Variants in TMEM231 observed in about 807,000 individuals in gnomAD.
TMEM231 encodes transmembrane protein 231.
TMEM231 carries 40 observed loss-of-function variants against 38.5 expected under a neutral mutation model. The ratio of observed to expected loss-of-function variants is 1.04; its 90% CI spans 0.81 to 1.35. TMEM231 has a LOEUF of 1.35. TMEM231 is among the 40% of genes most tolerant of loss of function. TMEM231 has a pLI of 0.00. For synonymous variants in TMEM231, 199 were observed against 181.7 expected (o/e 1.10, Z -0.77); for missense variants, 420 against 416.9 (o/e 1.01, Z -0.07).
intron 4 of TMEM231, among the ~76,000 whole-genome samples, chr16:75,543,051 T>C (rs933574038): frequency 1.3e-5 from 2 of 152,188 alleles, no homozygotes; most frequent in Non-Finnish European, 2.9e-5. Context: ...TACCCCTCTT[T>C]ATCTCAGCGG....
At chr16:75,552,499 G>C (rs1047910893) in intron 2 of TMEM231, among the ~76,000 whole-genome samples, 1 of 152,090 alleles carries the variant, frequency 6.6e-6, no homozygotes, top group East Asian at 1.9e-4. Flanking sequence ...GAAACTAAAA[G>C]CCATTGGTCT....
At chr16:75,546,119 G>C in intron 2 of TMEM231, 165 bp from the exon 3 acceptor site, 1 of 1,536,300 alleles carries the variant, frequency 6.5e-7, no homozygotes, top group Non-Finnish European at 8.8e-7. Context: ...ATTAATACTG[G>C]GGAGAGACAC....
intron 2 of TMEM231, among the ~76,000 whole-genome samples, chr16:75,550,553 C>A (rs978423081): frequency 2.0e-5 from 3 of 152,134 alleles, no homozygotes; most frequent in Non-Finnish European, 2.9e-5. Context: ...AACCAGCACA[C>A]CACCTGACTG....
At chr16:75,550,101 G>C (rs1263603620) in intron 2 of TMEM231, among the ~76,000 whole-genome samples, 1 of 152,216 alleles carries the variant, frequency 6.6e-6, no homozygotes, top group African/African-American at 2.4e-5. Flanking sequence ...AGAGATAGTA[G>C]CTGCAGGGAA....
At chr16:75,542,707 G>C (rs747750357) in intron 4 of TMEM231, 24 bp from the exon 5 acceptor site, 4 of 1,609,292 alleles carry the variant, frequency 2.5e-6, no homozygotes, top group Non-Finnish European at 3.4e-6. Context: ...GGAGGATGTG[G>C]TGTGAGCACC....
intron 2 of TMEM231, chr16:75,555,524 A>G: frequency 2.5e-6 from 1 of 401,254 alleles, no homozygotes; most frequent in Non-Finnish European, 4.4e-6. Flanking sequence ...ACCCGGGCAG[A>G]CACAGGCTGC....
At chr16:75,555,602 G>A (rs2080800988) in intron 2 of TMEM231, 3 of 519,972 alleles carry the variant, frequency 5.8e-6, no homozygotes, top group Non-Finnish European at 6.5e-6. Context: ...TGGGGGCCGG[G>A]GACATCTGGG....
intron 1 of TMEM231, 45 bp from the exon 2 acceptor site, chr16:75,556,018 C>A: frequency 6.4e-7 from 1 of 1,574,360 alleles, no homozygotes; most frequent in South Asian, 1.2e-5. Flanking sequence ...GAGGCCGGCC[C>A]TGGCCGAGCG....
At position 75,552,199 on chromosome 16, in the gene TMEM231, G is replaced by A. The variant is rs1451893269; in HGVS notation, c.309+3605C>T. 2.6e-5 allele frequency among the ~76,000 whole-genome samples: 4 copies of A among 151,578 alleles called. No homozygotes were observed. In the East Asian group the frequency reaches 7.9e-4, roughly 30 times the overall value. Reference sequence around the variant, plus strand: ...CTGGGCATGGTGGCTCATGCCTATAGTCCCAGCACTTTGGGAGGCCGAGGC... The same window carrying A: ...CTGGGCATGGTGGCTCATGCCTATAATCCCAGCACTTTGGGAGGCCGAGGC... On this transcript the variant is annotated intron_variant, in intron 2 of 6. Transcript: ENST00000258173.
intron 4 of TMEM231, among the ~76,000 whole-genome samples, chr16:75,544,605 G>A (rs1261305327): frequency 6.6e-6 from 1 of 152,098 alleles, no homozygotes; most frequent in East Asian, 1.9e-4. Flanking sequence ...TGCACTCAGG[G>A]GTGGCATATG....
chr16:75,539,892 G>A lies in TMEM231; in HGVS notation c.*102C>T, dbSNP rs1245268946. The A allele has an allele frequency of 8.0e-6, 8 of 1,006,252 alleles. No individual in the cohort carries two copies. The Admixed American group carries it at 1.2e-4, about 15-fold the overall frequency. The allele number at this position is 1,006,252 out of a possible 1,614,324, so 62.3% of individuals were successfully genotyped here. A position where few individuals can be genotyped will look rare whatever the true frequency, so the allele number is the denominator to read the frequency against. On this transcript the variant is annotated 3_prime_UTR_variant, in exon 7 of 7. Coordinates refer to ENST00000258173, the MANE Select transcript of TMEM231 (RefSeq NM_001077418.3). ...TTGTCTCTGAGGGAAAAGCACACAA[G>A]CCCGCAGGTGTCCGCTGGGCTCTTT... is the stretch of plus-strand genomic sequence containing the variant.
In TMEM231 at chr16:75,556,126, C is replaced by CAGCAGGAACAGCGCGGCTTTGG; in HGVS notation, c.62_83dup (p.Leu29GlnfsTer84). 6.3e-7 allele frequency: 1 copy of CAGCAGGAACAGCGCGGCTTTGG among 1,577,050 alleles called. No individual in the cohort carries two copies. The highest frequency in any genetic ancestry group is 8.6e-7 in the Non-Finnish European group (1 of 1,163,380). ...GGATGTACGTGAGCGCAGCGGCCAG[C>CAGCAGGAACAGCGCGGCTTTGG]AGCAGGAACAGCGCGGCTTTGGAGC... On this transcript the variant is annotated frameshift_variant, in exon 1 of 7. Coordinates refer to ENST00000258173, the MANE Select transcript of TMEM231 (RefSeq NM_001077418.3). LOFTEE classifies it high-confidence loss of function.
chr16:75,548,696 C>G (rs1038165161), intron 2 of TMEM231, among the ~76,000 whole-genome samples: 5 of 152,126 alleles, frequency 3.3e-5, no homozygotes, highest in African/African-American at 1.2e-4. Context: ...TGGCGATACC[C>G]TGCCTCTATT....
chr16:75,556,030 G>C, intron 1 of TMEM231, 41 bp downstream of exon 1: 3 of 1,567,046 alleles, frequency 1.9e-6, no homozygotes, highest in Non-Finnish European at 2.6e-6. Flanking sequence ...GGCCGAGCGC[G>C]CCCGGGGAGC....
At chr16:75,542,506 T>A in intron 5 of TMEM231, 96 bp downstream of exon 5, 1 of 1,087,224 alleles carries the variant, frequency 9.2e-7, no homozygotes, top group Non-Finnish European at 1.4e-6. Flanking sequence ...GTTTTGACAT[T>A]TTCATCACAA....
At chr16:75,542,392 A>C (rs2080637071) in intron 5 of TMEM231, among the ~76,000 whole-genome samples, 1 of 151,846 alleles carries the variant, frequency 6.6e-6, no homozygotes, top group African/African-American at 2.4e-5. Context: ...AGCCTGCTGG[A>C]CCATGGGATG....
At chr16:75,543,828 C>T (rs570233881) in intron 4 of TMEM231, among the ~76,000 whole-genome samples, 2 of 152,186 alleles carry the variant, frequency 1.3e-5, no homozygotes, top group Non-Finnish European at 2.9e-5. Context: ...GTTGCAGCTT[C>T]CTATTCTTTA....
intron 2 of TMEM231, among the ~76,000 whole-genome samples, chr16:75,552,506 G>T (rs1204730491): frequency 6.6e-6 from 1 of 152,070 alleles, no homozygotes; most frequent in Non-Finnish European, 1.5e-5. Context: ...AAAGCCATTG[G>T]TCTGGGCCCT....
intron 2 of TMEM231, among the ~76,000 whole-genome samples, chr16:75,547,033 C>T (rs1327229642): frequency 6.6e-6 from 1 of 152,194 alleles, no homozygotes; most frequent in African/African-American, 2.4e-5. Context: ...GTATCCACTC[C>T]TACCATCCAC....
Sources: allele counts gnomAD v4.1 joint callset (sites outside exome capture counted in the v4.1 genomes callset), GRCh38; gene constraint gnomAD v4.1.1; transcripts MANE v1.5; gene names NCBI Gene and HGNC (gene_info 2026-07-23, HGNC 2026-07-21).